Variants in CTNNA3 observed in about 807,000 individuals in gnomAD.
CTNNA3 encodes catenin alpha 3, also known as catenin alpha-3.
In CTNNA3, 76 loss-of-function variants were observed where a neutral mutation model predicts 95.7. That is an observed-to-expected ratio of 0.79 (90% confidence interval 0.66 to 0.96). The LOEUF (loss-of-function observed/expected upper bound fraction) is 0.96, where lower values mean the gene tolerates loss of function less well. Ranked by LOEUF, CTNNA3 falls within the 40% of genes least tolerant of loss-of-function variation. The pLI, the probability that CTNNA3 is intolerant of heterozygous loss-of-function variation, is 0.00. For missense variants in CTNNA3, 1,191 were observed against 1,089.8 expected (o/e 1.09, Z -1.31); for synonymous variants, 431 against 374.4 (o/e 1.15, Z -1.74).
At chr10:66,958,766 C>G (rs1277328338) in intron 7 of CTNNA3, among the ~76,000 whole-genome samples, 1 of 152,124 alleles carries the variant, frequency 6.6e-6, no homozygotes, top group African/African-American at 2.4e-5. Flanking sequence ...AATTTTGATT[C>G]TCACACTCTT....
intron 11 of CTNNA3, among the ~76,000 whole-genome samples, chr10:66,419,379 A>C (rs1254873488): frequency 6.6e-6 from 1 of 152,112 alleles, no homozygotes; most frequent in African/African-American, 2.4e-5. Flanking sequence ...ATCTGATGAA[A>C]GAAATTGAAG....
chr10:67,632,972 T>A (rs1839193827), intron 2 of CTNNA3, among the ~76,000 whole-genome samples: 2 of 152,198 alleles, frequency 1.3e-5, no homozygotes, highest in Admixed American at 1.3e-4. Context: ...CAGGCTGAGA[T>A]GAGACCAAGT....
At chr10:66,540,487 C>T (rs1178967351) in intron 10 of CTNNA3, among the ~76,000 whole-genome samples, 2 of 152,130 alleles carry the variant, frequency 1.3e-5, no homozygotes, top group Admixed American at 6.6e-5. Flanking sequence ...AGAAACAAAA[C>T]AGTTTCTGTA....
intron 3 of CTNNA3, among the ~76,000 whole-genome samples, chr10:67,586,166 T>A (rs1207132802): frequency 1.3e-5 from 2 of 152,228 alleles, no homozygotes; most frequent in African/African-American, 4.8e-5. Flanking sequence ...TCTAGTTCTA[T>A]TCCACTATGG....
intron 11 of CTNNA3, among the ~76,000 whole-genome samples, chr10:66,434,879 CT>C (rs2093326024): frequency 2.0e-5 from 3 of 151,282 alleles, no homozygotes; most frequent in Non-Finnish European, 2.9e-5. Flanking sequence ...TATCAAAGGC[CT>C]TTTTTGCATC....
chr10:67,611,167 GT>G (rs1401109278), intron 2 of CTNNA3, among the ~76,000 whole-genome samples: 1 of 152,034 alleles, frequency 6.6e-6, no homozygotes, highest in Non-Finnish European at 1.5e-5. Context: ...TATAAAAAAG[GT>G]TTTTATAGAT....
intron 15 of CTNNA3, among the ~76,000 whole-genome samples, chr10:66,032,034 T>C (rs1300635212): frequency 6.6e-6 from 1 of 152,126 alleles, no homozygotes; most frequent in Non-Finnish European, 1.5e-5. Flanking sequence ...TAGAAAGATA[T>C]TTAGTTAAAT....
intron 1 of CTNNA3, among the ~76,000 whole-genome samples, chr10:67,714,863 G>T (rs544677994): frequency 6.6e-5 from 10 of 152,290 alleles, no homozygotes; most frequent in African/African-American, 2.4e-4. Context: ...AAAAAGGAAA[G>T]TTTCCCTGCA....
chr10:67,217,117 C>T (rs1271383574), intron 6 of CTNNA3, among the ~76,000 whole-genome samples: 1 of 152,202 alleles, frequency 6.6e-6, no homozygotes, highest in Non-Finnish European at 1.5e-5. Context: ...ATACATTCCA[C>T]ACTATAAACA....
chr10:66,818,751 A>G (rs1842186689), intron 7 of CTNNA3, among the ~76,000 whole-genome samples: 1 of 152,064 alleles, frequency 6.6e-6, no homozygotes, highest in Non-Finnish European at 1.5e-5. Context: ...GAAATTGGCA[A>G]GTTGATCATA....
At chr10:66,358,461 A>G (rs909018410) in intron 12 of CTNNA3, among the ~76,000 whole-genome samples, 1 of 152,146 alleles carries the variant, frequency 6.6e-6, no homozygotes, top group Admixed American at 6.6e-5. Flanking sequence ...ATTTGCTTTA[A>G]GTATTATGTC....
intron 7 of CTNNA3, among the ~76,000 whole-genome samples, chr10:67,066,356 C>T (rs1856083408): frequency 6.6e-6 from 1 of 151,972 alleles, no homozygotes. Context: ...CCACATCAAG[C>T]TAATTTTTGT....
chr10:66,849,961 A>G (rs1302257105), intron 7 of CTNNA3, among the ~76,000 whole-genome samples: 1 of 133,870 alleles, frequency 7.5e-6, no homozygotes, highest in Non-Finnish European at 1.6e-5. Flanking sequence ...GTGTATGGAA[A>G]TTTGAAGATA....
intron 12 of CTNNA3, among the ~76,000 whole-genome samples, chr10:66,330,556 C>T (rs188551888): frequency 1.3e-5 from 2 of 152,126 alleles, no homozygotes; most frequent in East Asian, 3.9e-4. Flanking sequence ...TTTATAGCAG[C>T]ATGTTTTATA....
chr10:66,472,192 T>G (rs1839160951), intron 11 of CTNNA3, among the ~76,000 whole-genome samples: 1 of 151,948 alleles, frequency 6.6e-6, no homozygotes, highest in African/African-American at 2.4e-5. Context: ...GTGCTTTTAT[T>G]CTAGTGAACA....
chr10:66,293,889 A>T (rs1474041445), intron 12 of CTNNA3, among the ~76,000 whole-genome samples: 3 of 150,336 alleles, frequency 2.0e-5, no homozygotes, highest in Non-Finnish European at 4.4e-5. Flanking sequence ...CTGGTCTTGA[A>T]CTCCTGACCT....
intron 2 of CTNNA3, among the ~76,000 whole-genome samples, chr10:67,646,254 C>T (rs1392936067): frequency 1.3e-5 from 2 of 150,136 alleles, no homozygotes; most frequent in Non-Finnish European, 3.0e-5. Flanking sequence ...TGGACTTAAG[C>T]GATCCTCCTG....
intron 7 of CTNNA3, among the ~76,000 whole-genome samples, chr10:67,073,193 T>C (rs568136993): frequency 2.2e-3 from 332 of 152,320 alleles, no homozygotes; most frequent in African/African-American, 7.3e-3. Flanking sequence ...ATCTAATTTA[T>C]TTGGTTTGTA....
chr10:66,561,254 G>T (rs550504702), intron 10 of CTNNA3, among the ~76,000 whole-genome samples: 11 of 151,886 alleles, frequency 7.2e-5, no homozygotes, highest in Admixed American at 3.3e-4. Flanking sequence ...AATTCTTTTT[G>T]TTCCTTTGAC....
Sources: gnomAD v4.1 joint callset for allele counts (sites outside exome capture counted in the v4.1 genomes callset) on GRCh38, gnomAD v4.1.1 for gene constraint, MANE v1.5 for transcripts, NCBI Gene and HGNC (gene_info 2026-07-23, HGNC 2026-07-21) for gene names.